ERC2: variants seen among roughly 807,000 people sequenced by gnomAD.
The protein encoded by ERC2 is ELKS/RAB6-interacting/CAST family member 2.
Under a neutral mutation model 114.8 loss-of-function variants are expected in ERC2, and 42 were observed. The ratio of observed to expected loss-of-function variants is 0.37; its 90% confidence interval spans 0.29 to 0.47. ERC2 has a LOEUF of 0.47. ERC2 is among the 20% of genes least tolerant of loss of function. ERC2 has a pLI of 0.99. For synonymous variants in ERC2, 454 were observed against 425.5 expected (o/e 1.07, Z -0.82); for missense variants, 939 against 1,150.7 (o/e 0.82, Z 2.66).
At chr3:56,267,390 T>A (rs572052044) in intron 3 of ERC2, among the ~76,000 whole-genome samples, 1 of 152,328 alleles carries the variant, frequency 6.6e-6, no homozygotes, top group South Asian at 2.1e-4. Flanking sequence ...ATGATCTCAC[T>A]TACATGTGGA....
intron 14 of ERC2, among the ~76,000 whole-genome samples, chr3:55,870,891 C>T (rs1575947203): frequency 6.6e-6 from 1 of 152,218 alleles, no homozygotes; most frequent in African/African-American, 2.4e-5. Flanking sequence ...TTTCTCACCC[C>T]ATTTCAGATA....
intron 14 of ERC2, among the ~76,000 whole-genome samples, chr3:55,783,304 C>G (rs2069211381): frequency 6.6e-6 from 1 of 152,320 alleles, no homozygotes; most frequent in South Asian, 2.1e-4. Flanking sequence ...CCAGCCTGGG[C>G]CTCAGTTTCT....
intron 17 of ERC2, among the ~76,000 whole-genome samples, chr3:55,584,749 A>G (rs1314268597): frequency 6.6e-6 from 1 of 152,208 alleles, no homozygotes; most frequent in Non-Finnish European, 1.5e-5. Flanking sequence ...GTGGGCAAGG[A>G]TAACATAAGA....
intron 9 of ERC2, 37 bp from the exon 10 acceptor site, chr3:56,007,358 A>G (rs1223531806): frequency 6.4e-7 from 1 of 1,562,352 alleles, no homozygotes; most frequent in East Asian, 2.3e-5. Flanking sequence ...AAAACACTGA[A>G]ATTTCTACTA....
intron 14 of ERC2, among the ~76,000 whole-genome samples, chr3:55,836,286 G>A (rs553040387): frequency 5.3e-5 from 8 of 152,164 alleles, no homozygotes; most frequent in East Asian, 3.9e-4. Context: ...AAAACAGCCC[G>A]CATTGCCAAG....
intron 14 of ERC2, among the ~76,000 whole-genome samples, chr3:55,825,824 T>C (rs1004457326): frequency 1.3e-5 from 2 of 152,182 alleles, no homozygotes; most frequent in Non-Finnish European, 1.5e-5. Flanking sequence ...ATTGTGTTTG[T>C]TGTTTTTGTT....
chr3:55,589,639 T>C (rs1028650982), intron 17 of ERC2, among the ~76,000 whole-genome samples: 1 of 152,054 alleles, frequency 6.6e-6, no homozygotes, highest in African/African-American at 2.4e-5. Flanking sequence ...TATACGTGAA[T>C]TCCCAGCCTC....
intron 17 of ERC2, among the ~76,000 whole-genome samples, chr3:55,583,213 A>G (rs1019589694): frequency 1.3e-5 from 2 of 152,138 alleles, no homozygotes; most frequent in African/African-American, 2.4e-5. Context: ...AAAATGTCAC[A>G]TTCTTACCCA....
At chr3:56,087,861 G>A (rs527520060) in intron 6 of ERC2, among the ~76,000 whole-genome samples, 2 of 152,264 alleles carry the variant, frequency 1.3e-5, no homozygotes, top group South Asian at 2.1e-4. Context: ...ATTCAAACAG[G>A]AGACAGTTTC....
intron 17 of ERC2, among the ~76,000 whole-genome samples, chr3:55,637,751 C>A (rs1449142129): frequency 6.6e-6 from 1 of 152,026 alleles, no homozygotes; most frequent in Non-Finnish European, 1.5e-5. Context: ...TATCGAGCAT[C>A]GTCACTGGCA....
chr3:55,798,609 A>G (rs947738544), intron 14 of ERC2, among the ~76,000 whole-genome samples: 4 of 152,050 alleles, frequency 2.6e-5, no homozygotes, highest in Non-Finnish European at 4.4e-5. Context: ...AAAAAAAAAA[A>G]AAAGAAAGAA....
intron 3 of ERC2, among the ~76,000 whole-genome samples, chr3:56,281,377 C>T (rs1300595157): frequency 1.9e-5 from 2 of 105,594 alleles, no homozygotes; most frequent in African/African-American, 6.9e-5. Context: ...GCGGAGCTTG[C>T]AGTGAGCCGA....
intron 14 of ERC2, among the ~76,000 whole-genome samples, chr3:55,772,030 C>T (rs1305568824): frequency 6.6e-6 from 1 of 152,144 alleles, no homozygotes; most frequent in African/African-American, 2.4e-5. Flanking sequence ...GCCTCTCCGC[C>T]CATCAGGACT....
At chr3:55,871,480 A>G (rs577555157) in intron 14 of ERC2, among the ~76,000 whole-genome samples, 2 of 152,202 alleles carry the variant, frequency 1.3e-5, no homozygotes, top group South Asian at 2.1e-4. Flanking sequence ...GCTACCATTA[A>G]TCAGCATCCA....
intron 14 of ERC2, among the ~76,000 whole-genome samples, chr3:55,794,229 G>T (rs2070292672): frequency 6.6e-6 from 1 of 152,094 alleles, no homozygotes; most frequent in African/African-American, 2.4e-5. Context: ...TTGCTATCTG[G>T]TGCCAGGAAA....
intron 6 of ERC2, among the ~76,000 whole-genome samples, chr3:56,121,807 T>G (rs2079592841): frequency 6.6e-6 from 1 of 152,192 alleles, no homozygotes; most frequent in Non-Finnish European, 1.5e-5. Context: ...TTTCTTCAAG[T>G]TTTTTCTCAA....
chr3:55,906,340 G>C (rs1396769529), intron 13 of ERC2, among the ~76,000 whole-genome samples: 4 of 151,084 alleles, frequency 2.6e-5, no homozygotes, highest in Non-Finnish European at 5.9e-5. Context: ...GCTGAGGCAG[G>C]AGAATGGCGT....
chr3:55,714,446 A>G (rs2063960837), intron 15 of ERC2, among the ~76,000 whole-genome samples: 1 of 152,064 alleles, frequency 6.6e-6, no homozygotes. Context: ...TTATCAAATC[A>G]TTAAATAGCT....
intron 3 of ERC2, among the ~76,000 whole-genome samples, chr3:56,243,247 T>C (rs1265160389): frequency 6.6e-6 from 1 of 152,212 alleles, no homozygotes; most frequent in Non-Finnish European, 1.5e-5. Flanking sequence ...TGGGCTACTC[T>C]AGATAAAGGG....
Sources: gnomAD v4.1 joint callset for allele counts (sites outside exome capture counted in the v4.1 genomes callset) on GRCh38, gnomAD v4.1.1 for gene constraint, MANE v1.5 for transcripts, NCBI Gene and HGNC (gene_info 2026-07-23, HGNC 2026-07-21) for gene names.